NPIPB2: variants seen among roughly 807,000 people sequenced by gnomAD.
The protein encoded by NPIPB2 is nuclear pore complex-interacting protein family member B2.
Under a neutral mutation model 30.8 loss-of-function variants are expected in NPIPB2, and 27 were observed. That is an observed-to-expected ratio of 0.88 (90% CI 0.65 to 1.21). NPIPB2 has a LOEUF of 1.21. Among genes scored for constraint, NPIPB2 ranks in the 50% most tolerant of loss-of-function variants. The pLI is 0.00. For missense variants in NPIPB2, 440 were observed against 446.2 expected (o/e 0.99, Z 0.13); for synonymous variants, 147 against 162.0 (o/e 0.91, Z 0.70).
At chr16:11,963,261 T>C (rs1356686245) in intron 1 of NPIPB2, among the ~76,000 whole-genome samples, 1 of 151,304 alleles carries the variant, frequency 6.6e-6, no homozygotes, top group African/African-American at 2.4e-5. Context: ...GCACCTGTCA[T>C]CCCAGCTACT....
At chr16:11,957,747 G>T (rs1387570992) in intron 1 of NPIPB2, among the ~76,000 whole-genome samples, 1 of 152,210 alleles carries the variant, frequency 6.6e-6, no homozygotes, top group Non-Finnish European at 1.5e-5. Flanking sequence ...CTCTCTGAGT[G>T]TCTGGCCTGC....
chr16:11,945,271 C>T (rs893750053), upstream of NPIPB2, among the ~76,000 whole-genome samples: 1 of 152,120 alleles, frequency 6.6e-6, no homozygotes, highest in Non-Finnish European at 1.5e-5. Flanking sequence ...GTCCCAGCTA[C>T]TTGGAAGGCT....
At chr16:11,948,370 C>T (rs1010194258) in intron 1 of NPIPB2, among the ~76,000 whole-genome samples, 2 of 152,132 alleles carry the variant, frequency 1.3e-5, no homozygotes, top group African/African-American at 4.8e-5. Context: ...GCACGCTCAA[C>T]ACCATTTTTG....
chr16:11,952,490 A>C lies in NPIPB2; in HGVS notation c.-583-10376T>G, dbSNP rs148239106. Among the ~76,000 whole-genome samples the C allele has an allele frequency of 2.2e-3, 337 of 152,196 alleles. 3 individuals carry two copies. Among genetic ancestry groups the C allele is most frequent in the African/African-American group, 7.7e-3 (321 of 41,544 alleles). ...TATTTACATTTCAAATGGAAATAGGACCCACCTTAACAATATTCGATGACT... is the reference window on the plus strand; with the variant it reads ...TATTTACATTTCAAATGGAAATAGGCCCCACCTTAACAATATTCGATGACT... On this transcript the variant is annotated intron_variant, in intron 1 of 5. Coordinates refer to the NPIPB2 transcript ENST00000538896.
At chr16:11,949,430 G>A (rs141810751) in intron 1 of NPIPB2, among the ~76,000 whole-genome samples, 586 of 152,198 alleles carry the variant, frequency 3.9e-3, no homozygotes, top group Admixed American at 6.6e-3. Context: ...GTGACACCAG[G>A]GTCCTCCTGA....
intron 2 of NPIPB2, among the ~76,000 whole-genome samples, chr16:11,936,343 A>G (rs1352044319): frequency 6.6e-6 from 1 of 151,716 alleles, no homozygotes; most frequent in Non-Finnish European, 1.5e-5. Flanking sequence ...AGCTTCCTCC[A>G]ATTTATACCG....
exon 2 of NPIPB2, chr16:11,937,564 A>G (rs781212149): frequency 3.1e-6 from 5 of 1,599,156 alleles, no homozygotes; most frequent in South Asian, 1.1e-5. Flanking sequence ...TCCAGAGGGT[A>G]AGGACAACTT....
At position 11,930,488 on chromosome 16, in the gene NPIPB2, T is replaced by A. The variant is rs199906866; in HGVS notation, c.552A>T (p.Glu184Asp). ...TTTCTTTCATATCCAATTTCCCATT[T>A]TCCTCTGCCTCTGACACCTGCCTCT... Residue 184 changes from glutamate to aspartate, a missense_variant, in exon 5 of 8, where the codon GAA becomes GAT. Physicochemically the swap from Glu to Asp is conservative, Grantham distance 45 (BLOSUM62 2). Around this residue, in one of 3 missense-constraint regions of NPIPB2, gnomAD observed 252 missense variants for 233.0 expected, o/e 1.08. Coordinates refer to ENST00000399147, the Ensembl canonical transcript of NPIPB2. 34 of 1,584,136 alleles carry A rather than the reference T, an allele frequency of 2.1e-5. No individual in the cohort carries two copies. The Middle Eastern group carries it at 6.8e-4, about 31-fold the overall frequency.
chr16:11,974,373 A>G (rs2055254360), intron 1 of NPIPB2, among the ~76,000 whole-genome samples: 4 of 152,112 alleles, frequency 2.6e-5, no homozygotes, highest in Admixed American at 2.6e-4. Context: ...TACAAAAGTT[A>G]GCAGGCATGG....
intron 1 of NPIPB2, among the ~76,000 whole-genome samples, chr16:11,949,942 G>A (rs1229709139): frequency 1.3e-5 from 2 of 152,174 alleles, no homozygotes; most frequent in Non-Finnish European, 2.9e-5. Flanking sequence ...TTGTGCCCCC[G>A]ACTTAACAGG....
intron 1 of NPIPB2, among the ~76,000 whole-genome samples, chr16:11,952,218 G>A (rs1171076763): frequency 6.6e-6 from 1 of 151,226 alleles, no homozygotes; most frequent in Non-Finnish European, 1.5e-5. Context: ...TGTGGTGGCG[G>A]GCGTCTGTAG....
At position 11,967,911 on chromosome 16, in the gene NPIPB2, G is replaced by C. The variant is rs1252395655; in HGVS notation, c.-584+8657C>G. 3.2e-6 allele frequency: 5 copies of C among 1,554,836 alleles called. No individual in the cohort carries two copies. In the South Asian group the frequency reaches 3.6e-5, roughly 11 times the overall value. ...TTTTGTCAGAATAGATGATGTGTCA[G>C]ATCTCTTTAGGATGACTGTATTTTT... On this transcript the variant is annotated intron_variant, in intron 1 of 5. Transcript: ENST00000538896.
upstream of NPIPB2, among the ~76,000 whole-genome samples, chr16:11,946,513 C>T (rs185801072): frequency 6.6e-6 from 1 of 151,432 alleles, no homozygotes; most frequent in South Asian, 2.1e-4. Context: ...TTTGAGGCTA[C>T]TGTGAGCTAT....
At chr16:11,927,334 AT>A (rs1307738467), downstream of NPIPB2, 2 of 815,992 alleles carry the variant, frequency 2.5e-6, no homozygotes, top group African/African-American at 1.7e-5. Flanking sequence ...TTGTTTTTTG[AT>A]TTTTTTATTT....
At position 11,949,526 on chromosome 16, in the gene NPIPB2, C is replaced by T. The variant is rs139275389; in HGVS notation, c.-583-7412G>A. Among the ~76,000 whole-genome samples, 579 of 152,270 alleles carry T rather than the reference C, an allele frequency of 3.8e-3. 7 individuals carry two copies. The highest frequency in any genetic ancestry group is 0.013 in the African/African-American group (547 of 41,528). ...CTATTCAAATGCAGCCACAGGAATC[C>T]GAGAAGAACCCGGATAACTAAATCA... On this transcript the variant is annotated intron_variant, in intron 1 of 5. Coordinates refer to the NPIPB2 transcript ENST00000538896.
At chr16:11,947,593 C>T (rs1177621311) in intron 1 of NPIPB2, among the ~76,000 whole-genome samples, 1 of 151,858 alleles carries the variant, frequency 6.6e-6, no homozygotes, top group African/African-American at 2.4e-5. Context: ...ATCTGCCCAC[C>T]TCGGCCTCCC....
chr16:11,970,856 GTTTCT>G (rs147271922), intron 1 of NPIPB2, among the ~76,000 whole-genome samples: 16,276 of 128,504 alleles, frequency 0.13, 1,246 homozygotes, highest in Admixed American at 0.23. Flanking sequence ...TTTCTTACTC[GTTTCT>G]TTTTTTTTTT....
At chr16:11,975,313 A>AC (rs1221720504) in intron 1 of NPIPB2, among the ~76,000 whole-genome samples, 2 of 139,744 alleles carry the variant, frequency 1.4e-5, no homozygotes, top group Non-Finnish European at 3.1e-5. Context: ...ACGCCCGGCT[A>AC]ATTTTTTGTA....
chr16:11,970,533 ATT>A (rs139434065), intron 1 of NPIPB2, among the ~76,000 whole-genome samples: 10 of 149,062 alleles, frequency 6.7e-5, no homozygotes, highest in Non-Finnish European at 1.0e-4. Flanking sequence ...TAAAATCAGC[ATT>A]TTTTTTTTCT....
Sources: allele counts gnomAD v4.1 joint callset (sites outside exome capture counted in the v4.1 genomes callset), GRCh38; gene constraint gnomAD v4.1.1; regional missense constraint gnomAD v4.1.1; transcripts MANE v1.5; gene names NCBI Gene and HGNC (gene_info 2026-07-23, HGNC 2026-07-21).